The following ZFC3H1 variants were observed in gnomAD, a reference collection of about 807,000 sequenced individuals.
ZFC3H1 encodes the protein zinc finger C3H1-type containing.
A neutral mutation model predicts 243.7 loss-of-function variants in ZFC3H1; 71 were observed. That is an observed-to-expected ratio of 0.29 (90% CI 0.24 to 0.36). The LOEUF (loss-of-function observed/expected upper bound fraction) is 0.36. ZFC3H1 is among the 10% of genes least tolerant of loss of function. ZFC3H1 has a pLI of 1.00. For missense variants in ZFC3H1, 1,966 were observed against 2,317.1 expected, an observed-to-expected ratio of 0.85 and a Z score of 3.11; for synonymous variants, 838 against 813.0, an observed-to-expected ratio of 1.03 and a Z score of -0.52.
Position 71,663,433 on chromosome 12 carries a change from A to T in ZFC3H1, c.178T>A (p.Ser60Thr). The T allele has an allele frequency of 6.2e-7, 1 of 1,611,930 alleles. No individual in the cohort carries two copies. The highest frequency in any genetic ancestry group is 8.5e-7 in the Non-Finnish European group (1 of 1,180,018). ...CCGCCAGATCCACCGCCCCGGGCCG[A>T]GTGAGGAGGCCTTCGCCGCGGATAG... is the stretch of plus-strand genomic sequence containing the variant. The part of the protein sequence containing the change: ...LPYPRRRPPH[S>T]ARGGGSGGGG... The change falls in exon 1 of 35, where the codon TCG (serine) becomes ACG (threonine). Residue 60 changes from serine (S) to threonine (T), a missense_variant. This residue lies in a region of ZFC3H1 where 484 missense variants were observed against 449.7 expected (regional missense o/e 1.08). Coordinates refer to ENST00000378743, the MANE Select transcript of ZFC3H1 (RefSeq NM_144982.5).
At position 71,631,850 on chromosome 12, in the gene ZFC3H1, C is replaced by A. The variant is rs763373615; in HGVS notation, c.3398G>T (p.Ser1133Ile). 1 of 1,613,716 alleles carries A rather than the reference C, an allele frequency of 6.2e-7. No homozygotes were observed. Among genetic ancestry groups the A allele is most frequent in the Non-Finnish European group, 8.5e-7 (1 of 1,179,782 alleles). Residue 1133 changes from serine to isoleucine, a missense_variant, in exon 16 of 35, where the codon AGT (serine) becomes ATT (isoleucine). Transcript: ENST00000378743. ...ACATGGCTTCACTTCCATTGTTTTA[C>A]TTTGTGCTGTGACAAAATCCACATC... ...SVDVDFVTAQ[S>I]KTMEVKPCPF...
chr12:71,648,686 C>T (rs567192130), intron 2 of ZFC3H1, among the ~76,000 whole-genome samples: 10 of 152,282 alleles, frequency 6.6e-5, no homozygotes, highest in African/African-American at 2.2e-4. Flanking sequence ...AATCTAGCAT[C>T]TAAATCAATG....
rs1338108752 is a variant in ZFC3H1, at chr12:71,642,544, G to A, written c.1519C>T (p.Leu507=). 4.3e-6 allele frequency: 7 copies of A among 1,611,264 alleles called. No individual in the cohort carries two copies. Among genetic ancestry groups the A allele is most frequent in the Non-Finnish European group, 5.9e-6 (7 of 1,178,814 alleles). The change falls in exon 6 of 35, where the codon CTG becomes TTG. Residue 507 remains leucine, a synonymous_variant. Transcript: ENST00000378743. The part of the protein sequence containing the change: ...RSRSKSSDPD[L]RRSLDKQPTD... ...GGTTGCTTATCTAAGGATCGCCTCA[G>A]GTCAGGATCTGAAGACTAAGTATAC...
intron 30 of ZFC3H1, chr12:71,613,760 C>G: frequency 5.6e-6 from 1 of 179,740 alleles, no homozygotes. Context: ...ACATCTTGCT[C>G]ATGGAATGCC....
intron 22 of ZFC3H1, among the ~76,000 whole-genome samples, chr12:71,625,439 C>G (rs1880140403): frequency 6.6e-6 from 1 of 152,176 alleles, no homozygotes. Context: ...CATCTATAGT[C>G]CCAGCACTTC....
At position 71,662,323 on chromosome 12, in the gene ZFC3H1, TA is replaced by T. The variant is rs34276902; in HGVS notation, c.598+689del. On this transcript the variant is annotated intron_variant, in intron 1 of 34. Coordinates refer to ENST00000378743, the MANE Select transcript of ZFC3H1 (RefSeq NM_144982.5). ...TAACGTATTAAAATAAAAATGCTGA[TA>T]AGTTTATCTTTCTCTCTCTGGCCCT... Among the ~76,000 whole-genome samples, 973 of 152,340 alleles carry T rather than the reference TA, an allele frequency of 6.4e-3. 10 individuals are homozygous for T. Among genetic ancestry groups the T allele is most frequent in the African/African-American group, 0.022 (928 of 41,580 alleles).
chr12:71,634,525 C>T (rs1302012422), intron 11 of ZFC3H1, among the ~76,000 whole-genome samples, 179 bp downstream of exon 11: 2 of 152,156 alleles, frequency 1.3e-5, no homozygotes, highest in Non-Finnish European at 2.9e-5. Context: ...CCTAGCACAT[C>T]ACTCTATTCA....
intron 3 of ZFC3H1, among the ~76,000 whole-genome samples, chr12:71,646,835 G>C (rs1880741923): frequency 6.6e-6 from 1 of 152,198 alleles, no homozygotes; most frequent in African/African-American, 2.4e-5. Context: ...GCTACGTGAG[G>C]TAGCTACTTG....
intron 2 of ZFC3H1, among the ~76,000 whole-genome samples, chr12:71,650,982 C>T (rs954694025): frequency 7.9e-5 from 12 of 152,184 alleles, no homozygotes; most frequent in African/African-American, 2.7e-4. Flanking sequence ...TTGTTATTCC[C>T]CAAACATGTC....
At chr12:71,660,151 T>C (rs965686523) in intron 1 of ZFC3H1, 10 of 152,158 alleles carry the variant, frequency 6.6e-5, no homozygotes, top group Admixed American at 2.0e-4. Flanking sequence ...GTAACCTGCA[T>C]TCTTTCTTTA....
Position 71,641,783 on chromosome 12 carries a change from A to G in ZFC3H1, c.1627+653T>C, listed in dbSNP as rs35148001. 5.4e-3 allele frequency among the ~76,000 whole-genome samples: 818 copies of G among 152,346 alleles called. 1 individual carries two copies. Among genetic ancestry groups the G allele is most frequent in the Non-Finnish European group, 9.1e-3 (619 of 68,024 alleles). ...GAATTTTGTTCTTTGACTAAAGCAG[A>G]AAGTATCTTGGATATAAAGATCAAG... On this transcript the variant is annotated intron_variant, in intron 6 of 34. Transcript: ENST00000378743.
At position 71,629,087 on chromosome 12, in the gene ZFC3H1, T is replaced by G. The variant is rs762208581; in HGVS notation, c.3827-50A>C. ...TAATTGATATAACTAGTTTTTTTTT[T>G]AACATTTTGAAGGATACTCAAATAA... On this transcript the variant is annotated intron_variant, in intron 19 of 34. Coordinates refer to ENST00000378743, the MANE Select transcript of ZFC3H1 (RefSeq NM_144982.5). 3.4e-6 allele frequency: 5 copies of G among 1,466,572 alleles called. No homozygotes were observed. In the Admixed American group the frequency reaches 1.1e-4, roughly 33 times the overall value. The allele number at this position is 1,466,572 out of a possible 1,614,324, so 90.8% of individuals were successfully genotyped here. A position where few individuals can be genotyped will look rare whatever the true frequency, so the allele number is the denominator to read the frequency against.
In ZFC3H1 at chr12:71,630,811, A is replaced by G. The variant is rs746623516; in HGVS notation, c.3602+12T>C. On this transcript the variant is annotated intron_variant, in intron 17 of 34. Transcript: ENST00000378743. The stretch of plus-strand genomic sequence containing the variant: ...TTTTTCAAATTACAAAATGTTCACA[A>G]AAACTACTCACCATTGACAATCATC... 1 of 1,611,456 alleles carries G rather than the reference A, an allele frequency of 6.2e-7. No individual in the cohort carries two copies. Among genetic ancestry groups the G allele is most frequent in the East Asian group, 2.2e-5 (1 of 44,734 alleles).
rs1592598648 is a variant in ZFC3H1 at position 71,645,186 on chromosome 12, A to G, written c.1081-111T>C. On this transcript the variant is annotated intron_variant, in intron 3 of 34. Coordinates refer to ENST00000378743, the MANE Select transcript of ZFC3H1 (RefSeq NM_144982.5). ...AATTTGAAGTGTGAAGGCAAATATG[A>G]CAAGGCAAATACAGATAAAATAAGT... The G allele has an allele frequency of 3.1e-6, 3 of 973,598 alleles. No individual in the cohort carries two copies. In the East Asian group the frequency reaches 7.9e-5, roughly 26 times the overall value. The allele number at this position is 973,598 out of a possible 1,614,324, so 60.3% of individuals were successfully genotyped here.
At chr12:71,660,781 G>C (rs1881148421) in intron 1 of ZFC3H1, among the ~76,000 whole-genome samples, 1 of 151,604 alleles carries the variant, frequency 6.6e-6, no homozygotes, top group South Asian at 2.1e-4. Context: ...ATTTTCATTT[G>C]TTTCCCTAAT....
intron 1 of ZFC3H1, among the ~76,000 whole-genome samples, chr12:71,659,192 C>T (rs1165673854): frequency 6.7e-6 from 1 of 149,972 alleles, no homozygotes; most frequent in Admixed American, 6.6e-5. Context: ...GAGAGTTTAC[C>T]CTGGTGATAA....
chr12:71,649,576 ACC>A (rs1005413368), intron 2 of ZFC3H1, among the ~76,000 whole-genome samples: 8 of 151,966 alleles, frequency 5.3e-5, no homozygotes, highest in Admixed American at 1.3e-4. Context: ...TTCTCCACAC[ACC>A]CTATTGTTTT....
chr12:71,636,997 A>T lies in ZFC3H1; in HGVS notation c.1788T>A (p.Pro596=), dbSNP rs1466918360. The part of the protein sequence containing the change: ...EGLCVSLEPL[P]PLPPLPPLPP... Reference sequence around the variant, plus strand: ...GGAGAGGTGGTAATGGTGGTAGAGGAGGTAGAGGTTCAAGAGAAACACACA... The same window carrying T: ...GGAGAGGTGGTAATGGTGGTAGAGGTGGTAGAGGTTCAAGAGAAACACACA... The change falls in exon 8 of 35, where the codon CCT becomes CCA. Residue 596 remains proline, a synonymous_variant. Transcript: ENST00000378743. The T allele has an allele frequency of 6.2e-7, 1 of 1,614,030 alleles. No individual in the cohort carries two copies. Among genetic ancestry groups the T allele is most frequent in the Non-Finnish European group, 8.5e-7 (1 of 1,179,948 alleles).
In ZFC3H1 at chr12:71,628,941, T is replaced by G; in HGVS notation, c.3923A>C (p.Gln1308Pro). 1 of 1,610,156 alleles carries G rather than the reference T, an allele frequency of 6.2e-7. No individual in the cohort carries two copies. The highest frequency in any genetic ancestry group is 8.5e-7 in the Non-Finnish European group (1 of 1,178,962). Residue 1308 changes from glutamine (Q) to proline (P), a missense_variant, in exon 20 of 35, where the codon CAG becomes CCG. Gln to Pro is a moderately conservative substitution (Grantham distance 76). Transcript: ENST00000378743. Reference sequence around the variant, plus strand: ...ACCATACTTAATTGGTCCTGTAGACTGTTCCTCATCACTACTGAAGCTATT... The same window carrying G: ...ACCATACTTAATTGGTCCTGTAGACGGTTCCTCATCACTACTGAAGCTATT... ...SDNSFSSDEE[Q>P]STGPIKYAFQ...
Sources: allele counts gnomAD v4.1 joint callset (sites outside exome capture counted in the v4.1 genomes callset), GRCh38; gene constraint gnomAD v4.1.1; regional missense constraint gnomAD v4.1.1; transcripts MANE v1.5; gene names NCBI Gene and HGNC (gene_info 2026-07-23, HGNC 2026-07-21).